Variants in BRINP3 observed in about 807,000 individuals in gnomAD.
BRINP3 encodes the protein BMP/retinoic acid inducible neural specific 3.
BRINP3 carries 19 observed loss-of-function variants against 71.0 expected under a neutral mutation model. The observed-to-expected ratio is 0.27, with a 90% CI of 0.19 to 0.39. The LOEUF (loss-of-function observed/expected upper bound fraction) is 0.39. BRINP3 is among the 10% of genes least tolerant of loss of function. The pLI, the probability that BRINP3 is intolerant of heterozygous loss-of-function variation, is 1.00. For synonymous variants in BRINP3, 380 were observed against 337.7 expected (o/e 1.13, Z -1.37); for missense variants, 959 against 940.8 (o/e 1.02, Z -0.25).
intron 2 of BRINP3, among the ~76,000 whole-genome samples, chr1:190,300,225 A>T (rs1664573939): frequency 6.6e-6 from 1 of 151,878 alleles, no homozygotes; most frequent in Non-Finnish European, 1.5e-5. Flanking sequence ...ATAGTCCCAT[A>T]TTTCTTGGAG....
intron 2 of BRINP3, among the ~76,000 whole-genome samples, chr1:190,415,069 C>T (rs1223186680): frequency 6.6e-6 from 1 of 152,070 alleles, no homozygotes; most frequent in Admixed American, 6.6e-5. Context: ...GAGAATTGGA[C>T]CTACATGTAA....
chr1:190,228,142 A>G (rs928261172), intron 5 of BRINP3, among the ~76,000 whole-genome samples: 2 of 152,010 alleles, frequency 1.3e-5, no homozygotes, highest in African/African-American at 4.8e-5. Context: ...AAAATGATAC[A>G]TTCAGAAATT....
chr1:190,171,423 C>T (rs549762757), intron 6 of BRINP3, among the ~76,000 whole-genome samples: 4 of 152,270 alleles, frequency 2.6e-5, no homozygotes, highest in Admixed American at 6.5e-5. Context: ...TGCCACTACT[C>T]TCCTCTTGTA....
chr1:190,425,271 A>T (rs1673628685), intron 2 of BRINP3, among the ~76,000 whole-genome samples: 2 of 151,778 alleles, frequency 1.3e-5, no homozygotes, highest in African/African-American at 4.8e-5. Context: ...TTTAAAAGAC[A>T]TATGAGTTGA....
At chr1:190,114,913 G>A (rs1653001635) in intron 7 of BRINP3, among the ~76,000 whole-genome samples, 1 of 152,084 alleles carries the variant, frequency 6.6e-6, no homozygotes, top group African/African-American at 2.4e-5. Context: ...ATCACTTTCA[G>A]ATCTTTAAAC....
chr1:190,236,713 G>A (rs936628567), intron 4 of BRINP3, among the ~76,000 whole-genome samples: 1 of 151,880 alleles, frequency 6.6e-6, no homozygotes, highest in Non-Finnish European at 1.5e-5. Flanking sequence ...GTGTTGATAT[G>A]ATATGTGTAT....
At chr1:190,398,922 C>A (rs1198040283) in intron 2 of BRINP3, among the ~76,000 whole-genome samples, 2 of 151,964 alleles carry the variant, frequency 1.3e-5, no homozygotes, top group Admixed American at 1.3e-4. Flanking sequence ...CATCTCTTCC[C>A]AGTACCTCCC....
intron 2 of BRINP3, chr1:190,342,794 C>T (rs945692701): frequency 6.6e-6 from 1 of 151,672 alleles, no homozygotes; most frequent in East Asian, 1.9e-4. Context: ...ATATAAACTA[C>T]ATGTACATTT....
intron 2 of BRINP3, among the ~76,000 whole-genome samples, chr1:190,344,620 A>G (rs977670859): frequency 2.0e-5 from 3 of 151,844 alleles, no homozygotes; most frequent in African/African-American, 7.2e-5. Context: ...TCTTCCATTC[A>G]TCTTGAAAAA....
intron 7 of BRINP3, among the ~76,000 whole-genome samples, chr1:190,101,895 C>G (rs911289311): frequency 6.6e-6 from 1 of 152,154 alleles, no homozygotes; most frequent in African/African-American, 2.4e-5. Context: ...AGCTTTCTGT[C>G]TTTTCCAATC....
At chr1:190,242,608 C>T (rs1397005073) in intron 4 of BRINP3, among the ~76,000 whole-genome samples, 1 of 151,844 alleles carries the variant, frequency 6.6e-6, no homozygotes, top group Non-Finnish European at 1.5e-5. Context: ...TTTAATAAAC[C>T]AATTTTTTAA....
rs554868284 is a variant in BRINP3, at chr1:190,228,676, A to G, written c.725-2358T>C. Reference sequence around the variant, plus strand: ...AAGAGGTTTAGGGACGCAGCGCTCAAAACACTTGAATTTTATAACCAGACC... The same window carrying G: ...AAGAGGTTTAGGGACGCAGCGCTCAGAACACTTGAATTTTATAACCAGACC... On this transcript the variant is annotated intron_variant, in intron 5 of 7. Transcript: ENST00000367462. 3.3e-5 allele frequency among the ~76,000 whole-genome samples: 5 copies of G among 152,080 alleles called. No individual in the cohort carries two copies. The South Asian group carries it at 1.0e-3, about 32-fold the overall frequency.
intron 2 of BRINP3, among the ~76,000 whole-genome samples, chr1:190,294,109 T>G (rs1664071437): frequency 6.6e-6 from 1 of 152,164 alleles, no homozygotes; most frequent in African/African-American, 2.4e-5. Flanking sequence ...TCTTCACTTC[T>G]TACTGTTTTC....
At chr1:190,207,460 G>A (rs1424211721) in intron 6 of BRINP3, among the ~76,000 whole-genome samples, 3 of 151,992 alleles carry the variant, frequency 2.0e-5, no homozygotes, top group Non-Finnish European at 2.9e-5. Context: ...CTTAAATGAA[G>A]TACTGATTTT....
intron 2 of BRINP3, among the ~76,000 whole-genome samples, chr1:190,334,090 T>C (rs1237143860): frequency 6.6e-6 from 1 of 151,876 alleles, no homozygotes; most frequent in Non-Finnish European, 1.5e-5. Flanking sequence ...ATCAGATCTT[T>C]AGTTAAATAA....
In BRINP3 at chr1:190,454,663, C is replaced by A; in HGVS notation, c.228G>T (p.Lys76Asn). The A allele has an allele frequency of 6.2e-7, 1 of 1,613,540 alleles. No homozygotes were observed. Among genetic ancestry groups the A allele is most frequent in the Non-Finnish European group, 8.5e-7 (1 of 1,179,564 alleles). Residue 76 changes from lysine to asparagine, a missense_variant, in exon 2 of 8, where the codon AAG (lysine) becomes AAT (asparagine). Coordinates refer to ENST00000367462, the MANE Select transcript of BRINP3 (RefSeq NM_199051.3). The stretch of plus-strand genomic sequence containing the variant: ...TTCCCTTTGCTTCATACCTGTATAT[C>A]TTGTATCTTGTGCTAAATCCCTGCC... ...RSRQGFSTRY[K>N]IYREFGRWKV...
At chr1:190,386,479 A>ATG (rs1670919370) in intron 2 of BRINP3, among the ~76,000 whole-genome samples, 1 of 151,876 alleles carries the variant, frequency 6.6e-6, no homozygotes, top group Non-Finnish European at 1.5e-5. Flanking sequence ...AAATAAGTAT[A>ATG]TTTAAAATGT....
intron 7 of BRINP3, among the ~76,000 whole-genome samples, chr1:190,150,974 C>A (rs1019575422): frequency 6.6e-6 from 1 of 151,930 alleles, no homozygotes; most frequent in Non-Finnish European, 1.5e-5. Context: ...AGAATAGAAA[C>A]CCTGTCTCTA....
At chr1:190,320,820 T>C (rs1468706285) in intron 2 of BRINP3, among the ~76,000 whole-genome samples, 1 of 152,080 alleles carries the variant, frequency 6.6e-6, no homozygotes, top group African/African-American at 2.4e-5. Context: ...TACATGCTCA[T>C]GATATGAGAA....
Sources: allele counts gnomAD v4.1 joint callset (sites outside exome capture counted in the v4.1 genomes callset), GRCh38; gene constraint gnomAD v4.1.1; transcripts MANE v1.5; gene names NCBI Gene and HGNC (gene_info 2026-07-23, HGNC 2026-07-21).